LUZP2: variants seen among roughly 807,000 people sequenced by gnomAD.
The protein encoded by LUZP2 is leucine zipper protein 2.
A neutral mutation model predicts 51.6 loss-of-function variants in LUZP2; 52 were observed. The observed-to-expected ratio is 1.01, with a 90% CI of 0.81 to 1.27. LUZP2 has a LOEUF of 1.27. LUZP2 is among the 50% of genes most tolerant of loss of function. The pLI is 0.00. For missense variants in LUZP2, 436 were observed against 395.4 expected, an observed-to-expected ratio of 1.10 and a Z score of -0.87; for synonymous variants, 154 against 137.3, an observed-to-expected ratio of 1.12 and a Z score of -0.85.
At chr11:24,994,791 C>T (rs1002521962) in intron 9 of LUZP2, among the ~76,000 whole-genome samples, 1 of 152,092 alleles carries the variant, frequency 6.6e-6, no homozygotes, top group East Asian at 1.9e-4. Context: ...TTTAAAATGT[C>T]CTTGCTAGTG....
At chr11:24,838,144 G>C (rs1850913476) in intron 5 of LUZP2, among the ~76,000 whole-genome samples, 1 of 151,488 alleles carries the variant, frequency 6.6e-6, no homozygotes, top group African/African-American at 2.4e-5. Flanking sequence ...CTGATATGTA[G>C]TACAGCCAAG....
Position 25,025,883 on chromosome 11 carries a change from C to T in LUZP2, c.766-24155C>T, listed in dbSNP as rs574298074. On this transcript the variant is annotated intron_variant, in intron 9 of 11. Coordinates refer to ENST00000336930, the MANE Select transcript of LUZP2 (RefSeq NM_001009909.4). ...GCACTATTCACAATAGCAAAGACTT[C>T]GAACCAACCCAAATGTCCATCAGTG... Among the ~76,000 whole-genome samples, 7 of 152,104 alleles carry T rather than the reference C, an allele frequency of 4.6e-5. No homozygotes were observed. The South Asian group carries it at 1.2e-3, about 27-fold the overall frequency.
At chr11:25,049,000 A>C (rs1175406644) in intron 9 of LUZP2, among the ~76,000 whole-genome samples, 1 of 152,022 alleles carries the variant, frequency 6.6e-6, no homozygotes, top group East Asian at 1.9e-4. Flanking sequence ...TTTATTAACT[A>C]TTCTTGGAGT....
intron 1 of LUZP2, among the ~76,000 whole-genome samples, chr11:24,674,620 G>A (rs72882415): frequency 0.05 from 7,596 of 152,016 alleles, 289 homozygotes; most frequent in Non-Finnish European, 0.075. Context: ...TTTAAAGAAG[G>A]TCACATGCTT....
chr11:24,668,306 G>A (rs888604945), intron 1 of LUZP2, among the ~76,000 whole-genome samples: 2 of 152,164 alleles, frequency 1.3e-5, no homozygotes, highest in Non-Finnish European at 2.9e-5. Flanking sequence ...GAAGATTCCA[G>A]GGTAAATGTC....
chr11:24,678,822 A>G (rs575639307), intron 1 of LUZP2, among the ~76,000 whole-genome samples: 2 of 152,162 alleles, frequency 1.3e-5, no homozygotes, highest in Non-Finnish European at 2.9e-5. Context: ...TGAGAGGTGA[A>G]TTTATTTGTA....
chr11:25,022,482 A>G (rs1857366247), intron 9 of LUZP2, among the ~76,000 whole-genome samples: 1 of 152,118 alleles, frequency 6.6e-6, no homozygotes, highest in African/African-American at 2.4e-5. Flanking sequence ...TAGGGAATGC[A>G]ATTTATATCA....
intron 1 of LUZP2, among the ~76,000 whole-genome samples, chr11:24,646,000 C>T (rs1424957108): frequency 6.6e-6 from 1 of 152,030 alleles, no homozygotes; most frequent in Non-Finnish European, 1.5e-5. Flanking sequence ...GATGGCAAAC[C>T]TCTGTTCAAA....
chr11:24,597,511 T>G (rs1171307004), intron 1 of LUZP2, among the ~76,000 whole-genome samples: 1 of 152,196 alleles, frequency 6.6e-6, no homozygotes, highest in East Asian at 1.9e-4. Flanking sequence ...GATAAAGTTG[T>G]GCATACAAAT....
chr11:24,945,123 G>A (rs1367941964), intron 7 of LUZP2, among the ~76,000 whole-genome samples: 1 of 152,094 alleles, frequency 6.6e-6, no homozygotes, highest in Non-Finnish European at 1.5e-5. Flanking sequence ...TCCCTGAATA[G>A]ACTTCTATTT....
At chr11:24,608,585 G>A (rs1266580842) in intron 1 of LUZP2, among the ~76,000 whole-genome samples, 1 of 152,118 alleles carries the variant, frequency 6.6e-6, no homozygotes, top group African/African-American at 2.4e-5. Flanking sequence ...TTTAGAGTTA[G>A]GGCATGAACT....
intron 7 of LUZP2, among the ~76,000 whole-genome samples, chr11:24,973,116 A>C (rs1855793818): frequency 1.5e-5 from 2 of 135,988 alleles, no homozygotes; most frequent in African/African-American, 2.8e-5. Context: ...CCTCAATTTT[A>C]GAACTCATTA....
chr11:24,700,109 T>C (rs1857380603), intron 1 of LUZP2, among the ~76,000 whole-genome samples: 1 of 144,156 alleles, frequency 6.9e-6, no homozygotes, highest in Non-Finnish European at 1.5e-5. Flanking sequence ...TAGCCTAGGC[T>C]GGAGTGCAGT....
At chr11:24,822,290 A>G (rs1428982482) in intron 5 of LUZP2, among the ~76,000 whole-genome samples, 2 of 152,142 alleles carry the variant, frequency 1.3e-5, no homozygotes, top group African/African-American at 4.8e-5. Flanking sequence ...TCCTGAGCTG[A>G]ATGGATCCTA....
chr11:24,892,013 G>A, intron 5 of LUZP2: 1 of 985,582 alleles, frequency 1.0e-6, no homozygotes, highest in Non-Finnish European at 1.2e-6. Flanking sequence ...AGTGCAGGCT[G>A]GCTCTTGGAA....
intron 1 of LUZP2, among the ~76,000 whole-genome samples, chr11:24,585,385 C>A (rs922917362): frequency 6.6e-6 from 1 of 152,178 alleles, no homozygotes; most frequent in African/African-American, 2.4e-5. Flanking sequence ...GCTTGTAAAT[C>A]AGTAGCCAGT....
At chr11:24,599,125 A>G (rs1484260741) in intron 1 of LUZP2, among the ~76,000 whole-genome samples, 2 of 152,120 alleles carry the variant, frequency 1.3e-5, no homozygotes, top group East Asian at 3.9e-4. Flanking sequence ...GGAGCTAGAA[A>G]ATGTTTTCTT....
intron 10 of LUZP2, among the ~76,000 whole-genome samples, chr11:25,051,284 T>A (rs1285275971): frequency 6.6e-6 from 1 of 150,904 alleles, no homozygotes; most frequent in Non-Finnish European, 1.5e-5. Flanking sequence ...GCCGCTGCAC[T>A]CCTGCCTGGG....
At chr11:24,767,765 T>G (rs1228609477) in intron 5 of LUZP2, among the ~76,000 whole-genome samples, 2 of 152,204 alleles carry the variant, frequency 1.3e-5, no homozygotes, top group Non-Finnish European at 2.9e-5. Flanking sequence ...TTGCATTTTG[T>G]GTTTGAATAT....
Sources: gnomAD v4.1 joint callset for allele counts (sites outside exome capture counted in the v4.1 genomes callset) on GRCh38, gnomAD v4.1.1 for gene constraint, MANE v1.5 for transcripts, NCBI Gene and HGNC (gene_info 2026-07-23, HGNC 2026-07-21) for gene names.